The following PARD3B variants were observed in gnomAD, a reference collection of about 807,000 sequenced individuals.
The protein encoded by PARD3B is partitioning defective 3 homolog B.
PARD3B carries 103 observed loss-of-function variants against 130.2 expected under a neutral mutation model. The observed-to-expected ratio is 0.79, with a 90% CI of 0.67 to 0.93. PARD3B has a LOEUF of 0.93. PARD3B is among the 40% of genes least tolerant of loss of function. The pLI, the probability that PARD3B is intolerant of heterozygous loss-of-function variation, is 0.00. For missense variants in PARD3B, 1,609 were observed against 1,499.2 expected (o/e 1.07, Z -1.21); for synonymous variants, 583 against 553.2 (o/e 1.05, Z -0.76).
At chr2:204,720,297 G>A (rs780704970) in intron 2 of PARD3B, among the ~76,000 whole-genome samples, 18 of 152,144 alleles carry the variant, frequency 1.2e-4, no homozygotes, top group Admixed American at 3.9e-4. Context: ...TGGTGCTTTT[G>A]CCAGTCCATG....
At chr2:205,560,293 A>G (rs1196986302) in intron 22 of PARD3B, among the ~76,000 whole-genome samples, 1 of 152,210 alleles carries the variant, frequency 6.6e-6, no homozygotes, top group Non-Finnish European at 1.5e-5. Flanking sequence ...TCATCTTTGT[A>G]TATGACACAG....
rs79531445 is a variant in PARD3B at position 204,857,361 on chromosome 2, T to C, written c.223-107791T>C. 0.012 allele frequency among the ~76,000 whole-genome samples: 1,812 copies of C among 152,276 alleles called. 60 individuals carry two copies. In the East Asian group the frequency reaches 0.15, roughly 13 times the overall value. ...GTCTCTCAAGCTATTGGTGCCTTTA[T>C]AAGTTATCTTATGTGGAAGAGAATG... is the stretch of plus-strand genomic sequence containing the variant. On this transcript the variant is annotated intron_variant, in intron 2 of 22. Transcript: ENST00000406610.
chr2:205,309,059 C>T lies in PARD3B; in HGVS notation c.2630+7358C>T, dbSNP rs1371194688. On this transcript the variant is annotated intron_variant, in intron 18 of 22. Transcript: ENST00000406610. The surrounding 1 kb of genome is among the most constrained non-coding windows in gnomAD (Gnocchi z 4.7). ...GGTACTAAAGCCAAATCACTTTATG[C>T]CTGCTTTTGTTTTCTTTTTTGCAAC... Among the ~76,000 whole-genome samples the T allele has an allele frequency of 6.7e-6, 1 of 148,238 alleles. No individual in the cohort carries two copies. The highest frequency in any genetic ancestry group is 1.5e-5 in the Non-Finnish European group (1 of 66,806).
rs140989976 is a variant in PARD3B at position 204,877,501 on chromosome 2, A to G, written c.223-87651A>G. ...TGAGTTATGTGTGCCTGACTGCCAG[A>G]CTAGCGTATGTGCAGTTTTTGATAA... On this transcript the variant is annotated intron_variant, in intron 2 of 22. Transcript: ENST00000406610. 9.8e-4 allele frequency among the ~76,000 whole-genome samples: 149 copies of G among 152,314 alleles called. 2 individuals carry two copies. The East Asian group carries it at 0.023, about 24-fold the overall frequency.
chr2:204,965,871 C>G (rs992400224), intron 3 of PARD3B, among the ~76,000 whole-genome samples: 10 of 152,134 alleles, frequency 6.6e-5, no homozygotes, highest in African/African-American at 2.2e-4. Context: ...AAATATTATT[C>G]TAAAGTTTCA....
chr2:205,209,356 CA>C (rs1490824557), intron 15 of PARD3B, among the ~76,000 whole-genome samples: 1 of 151,942 alleles, frequency 6.6e-6, no homozygotes, highest in African/African-American at 2.4e-5. Context: ...CAACAAAAGA[CA>C]AAATTGACAA....
At chr2:205,320,356 A>G (rs1309104694) in intron 18 of PARD3B, among the ~76,000 whole-genome samples, 1 of 151,940 alleles carries the variant, frequency 6.6e-6, no homozygotes, top group Non-Finnish European at 1.5e-5. Context: ...GCTGGAAGGA[A>G]CCCTCTTAAT....
intron 15 of PARD3B, among the ~76,000 whole-genome samples, chr2:205,197,782 C>T (rs1921787): frequency 0.73 from 110,470 of 152,092 alleles, 40,746 homozygotes; most frequent in African/African-American, 0.86. Flanking sequence ...TAGACTTTTC[C>T]CTATTTATTT....
chr2:204,598,259 A>T (rs954896460), intron 1 of PARD3B, among the ~76,000 whole-genome samples: 4 of 152,206 alleles, frequency 2.6e-5, no homozygotes, highest in Non-Finnish European at 4.4e-5. Context: ...TTATTCTTTT[A>T]AGAATAATAC....
intron 2 of PARD3B, among the ~76,000 whole-genome samples, chr2:204,748,800 A>AT (rs2040348848): frequency 6.6e-6 from 1 of 152,194 alleles, no homozygotes. Flanking sequence ...ATAATAATTT[A>AT]GAATATTTAA....
chr2:205,213,503 C>T (rs917941013), intron 15 of PARD3B, among the ~76,000 whole-genome samples: 15 of 152,128 alleles, frequency 9.9e-5, no homozygotes, highest in African/African-American at 3.4e-4. Flanking sequence ...AATCTGGCTG[C>T]AATCTCAGAA....
At chr2:204,824,504 C>G (rs533307164) in intron 2 of PARD3B, among the ~76,000 whole-genome samples, 96 of 152,220 alleles carry the variant, frequency 6.3e-4, no homozygotes, top group Non-Finnish European at 7.4e-4. Flanking sequence ...ATATTAAGCC[C>G]TCCTTGAACT....
chr2:205,171,340 A>G (rs1239751893), intron 11 of PARD3B, among the ~76,000 whole-genome samples: 1 of 152,106 alleles, frequency 6.6e-6, no homozygotes, highest in Non-Finnish European at 1.5e-5. Context: ...GGTCCCTTCA[A>G]GTTCTGTTCT....
chr2:205,300,502 G>A lies in PARD3B; in HGVS notation c.2186-28G>A. Reference sequence around the variant, plus strand: ...ACACCACACTGCCCCATTAGAAGAGGGGTGACCTTTTGCCCTTTCTTTTCC... The same window carrying A: ...ACACCACACTGCCCCATTAGAAGAGAGGTGACCTTTTGCCCTTTCTTTTCC... On this transcript the variant is annotated intron_variant, in intron 16 of 22. Coordinates refer to ENST00000406610, the MANE Select transcript of PARD3B (RefSeq NM_001302769.2). This position sits in a 1 kb window ranked among gnomAD's most constrained non-coding sequence, Gnocchi z 4.1. 1 of 1,569,636 alleles carries A rather than the reference G, an allele frequency of 6.4e-7. No individual in the cohort carries two copies. The highest frequency in any genetic ancestry group is 8.8e-7 in the Non-Finnish European group (1 of 1,141,098).
chr2:204,555,065 C>G (rs2030822509), intron 1 of PARD3B, among the ~76,000 whole-genome samples: 1 of 152,144 alleles, frequency 6.6e-6, no homozygotes, highest in Admixed American at 6.5e-5. Context: ...CAGTAAAAAC[C>G]TTGGGTGCTT....
intron 18 of PARD3B, among the ~76,000 whole-genome samples, chr2:205,350,179 G>A (rs2043946166): frequency 6.6e-6 from 1 of 151,620 alleles, no homozygotes; most frequent in South Asian, 2.1e-4. Flanking sequence ...AGGCAAACAT[G>A]TGTTGAACAT....
chr2:204,697,202 T>C (rs1348460585), intron 2 of PARD3B, among the ~76,000 whole-genome samples: 1 of 152,118 alleles, frequency 6.6e-6, no homozygotes, highest in African/African-American at 2.4e-5. Flanking sequence ...CCCATTGTGG[T>C]AAAATGACGT....
At chr2:204,644,356 T>C (rs2035198668) in intron 1 of PARD3B, among the ~76,000 whole-genome samples, 1 of 152,168 alleles carries the variant, frequency 6.6e-6, no homozygotes, top group Non-Finnish European at 1.5e-5. Flanking sequence ...TATGGGTGTG[T>C]GGGTGTCTAT....
At chr2:205,587,536 T>C (rs1339162913) in intron 22 of PARD3B, among the ~76,000 whole-genome samples, 3 of 152,308 alleles carry the variant, frequency 2.0e-5, no homozygotes, top group East Asian at 1.9e-4. Flanking sequence ...AGAAACGCAG[T>C]AATACTAAAA....
Sources: gnomAD v4.1 joint callset for allele counts (sites outside exome capture counted in the v4.1 genomes callset) on GRCh38, gnomAD v4.1.1 for gene constraint, Gnocchi (gnomAD v3.1) non-coding constraint, MANE v1.5 for transcripts, NCBI Gene and HGNC (gene_info 2026-07-23, HGNC 2026-07-21) for gene names.